CDK17: variants seen among roughly 807,000 people sequenced by gnomAD.
CDK17 encodes the protein cyclin dependent kinase 17, also known as cyclin-dependent kinase 17.
Under a neutral mutation model 77.6 loss-of-function variants are expected in CDK17, and 24 were observed. That is an observed-to-expected ratio of 0.31 (90% CI 0.22 to 0.44). CDK17 has a LOEUF of 0.44. CDK17 is among the 20% of genes least tolerant of loss of function. The pLI is 1.00. For synonymous variants in CDK17, 203 were observed against 210.4 expected, an observed-to-expected ratio of 0.96 and a Z score of 0.30; for missense variants, 429 against 622.5, an observed-to-expected ratio of 0.69 and a Z score of 3.31.
At position 96,360,439 on chromosome 12, in the gene CDK17, G is replaced by A. The variant is rs1213614692; in HGVS notation, c.-29-25574C>T. Among the ~76,000 whole-genome samples the A allele has an allele frequency of 2.6e-5, 4 of 152,296 alleles. No homozygotes were observed. The South Asian group carries it at 6.2e-4, about 24-fold the overall frequency. ...ACTAGAAAAACCTAATCAAGCCTCAGGTAGGTGACTTCTGGAGGGTATCAC... is the reference window on the plus strand; with the variant it reads ...ACTAGAAAAACCTAATCAAGCCTCAAGTAGGTGACTTCTGGAGGGTATCAC... On this transcript the variant is annotated intron_variant, in intron 1 of 16. Coordinates refer to ENST00000261211, the MANE Select transcript of CDK17 (RefSeq NM_002595.5).
chr12:96,399,659 C>G (rs1478767092), intron 1 of CDK17, among the ~76,000 whole-genome samples: 1 of 152,162 alleles, frequency 6.6e-6, no homozygotes, highest in Non-Finnish European at 1.5e-5. Context: ...GGAGACCGGC[C>G]TCCCCCGCAG....
intron 1 of CDK17, among the ~76,000 whole-genome samples, chr12:96,366,890 A>C (rs550573778): frequency 2.0e-5 from 3 of 152,284 alleles, no homozygotes; most frequent in East Asian, 3.9e-4. Flanking sequence ...AATAGTTATA[A>C]AACACCTACG....
At chr12:96,371,743 A>G (rs900183882) in intron 1 of CDK17, among the ~76,000 whole-genome samples, 2 of 149,300 alleles carry the variant, frequency 1.3e-5, no homozygotes, top group East Asian at 3.8e-4. Context: ...AAAAAAAATA[A>G]AAAGAAAAAG....
Position 96,369,651 on chromosome 12 carries a change from G to A in CDK17, c.-30+30335C>T, listed in dbSNP as rs546036704. 6.6e-5 allele frequency among the ~76,000 whole-genome samples: 10 copies of A among 152,276 alleles called. No individual in the cohort carries two copies. In the South Asian group the frequency reaches 2.1e-3, roughly 32 times the overall value. On this transcript the variant is annotated intron_variant, in intron 1 of 16. Coordinates refer to ENST00000261211, the MANE Select transcript of CDK17 (RefSeq NM_002595.5). ...AAATTATCCAGGCGTGATGGTGCAT[G>A]CCTGTAGTCCTAGCTACACTTGGTG...
At chr12:96,386,671 AAAC>A (rs1953981331) in intron 1 of CDK17, 1 of 152,454 alleles carries the variant, frequency 6.6e-6, no homozygotes, top group Non-Finnish European at 1.5e-5. Flanking sequence ...ATGAAAAACA[AAAC>A]AACAACAAAA....
In CDK17 at chr12:96,383,866, C is replaced by G. The variant is rs891151286; in HGVS notation, c.-30+16120G>C. ...ATCAGCATTGGCAAAGAATTTATGG[C>G]TAAGTCCCCAAAAACAATTGCAAAG... On this transcript the variant is annotated intron_variant, in intron 1 of 16. Coordinates refer to ENST00000261211, the MANE Select transcript of CDK17 (RefSeq NM_002595.5). Among the ~76,000 whole-genome samples, 5 of 152,198 alleles carry G rather than the reference C, an allele frequency of 3.3e-5. No individual in the cohort carries two copies. The South Asian group carries it at 8.3e-4, about 25-fold the overall frequency.
At chr12:96,300,617 G>A (rs755530604) in intron 5 of CDK17, among the ~76,000 whole-genome samples, 4 of 152,042 alleles carry the variant, frequency 2.6e-5, no homozygotes, top group East Asian at 1.9e-4. Flanking sequence ...GGCTGTTCTC[G>A]AACTCCTGAC....
At chr12:96,308,854 AG>A (rs1038075627) in intron 5 of CDK17, among the ~76,000 whole-genome samples, 1 of 151,924 alleles carries the variant, frequency 6.6e-6, no homozygotes, top group Non-Finnish European at 1.5e-5. Flanking sequence ...AGTGGGTATT[AG>A]GTGGTATTTT....
intron 1 of CDK17, among the ~76,000 whole-genome samples, chr12:96,395,862 G>GAGA (rs1954159901): frequency 1.3e-5 from 2 of 152,206 alleles, no homozygotes; most frequent in Admixed American, 1.3e-4. Context: ...AGTGCCCAGG[G>GAGA]AGAAGACAGC....
chr12:96,356,148 A>G lies in CDK17; in HGVS notation c.-29-21283T>C, dbSNP rs1049897460. 2.0e-5 allele frequency among the ~76,000 whole-genome samples: 3 copies of G among 152,318 alleles called. No homozygotes were observed. In the East Asian group the frequency reaches 5.8e-4, roughly 29 times the overall value. ...TTGGGAGGTGTTATATCATTTTCAGAATGAAGTTATTCTGCAAATGAGTGA... is the reference window on the plus strand; with the variant it reads ...TTGGGAGGTGTTATATCATTTTCAGGATGAAGTTATTCTGCAAATGAGTGA... On this transcript the variant is annotated intron_variant, in intron 1 of 16. Transcript: ENST00000261211.
chr12:96,378,087 T>C (rs1953816624), intron 1 of CDK17, among the ~76,000 whole-genome samples: 2 of 152,198 alleles, frequency 1.3e-5, no homozygotes, highest in African/African-American at 4.8e-5. Flanking sequence ...CAGTTTCCGC[T>C]AGTAAGATCT....
At chr12:96,300,235 G>A (rs1371442265) in intron 6 of CDK17, 69 bp downstream of exon 6, 59 of 1,010,370 alleles carry the variant, frequency 5.8e-5, no homozygotes, top group Middle Eastern at 2.0e-4. Context: ...AACAAAAACC[G>A]TGGAGTAACA....
At chr12:96,309,981 C>T (rs1371603070) in intron 5 of CDK17, among the ~76,000 whole-genome samples, 2 of 152,068 alleles carry the variant, frequency 1.3e-5, no homozygotes, top group Non-Finnish European at 1.5e-5. Flanking sequence ...CCTAGGTAAG[C>T]ACTCAACAGA....
At chr12:96,330,294 C>CA (rs925118380) in intron 2 of CDK17, among the ~76,000 whole-genome samples, 2,218 of 134,900 alleles carry the variant, frequency 0.016, 25 homozygotes, top group Non-Finnish European at 0.024. Flanking sequence ...GCAGTGACAG[C>CA]AAAAAAAAAA....
chr12:96,346,133 C>T (rs1388750168), intron 1 of CDK17, among the ~76,000 whole-genome samples: 1 of 152,114 alleles, frequency 6.6e-6, no homozygotes, highest in African/African-American at 2.4e-5. Context: ...GCCTGGCCAA[C>T]ATGGTGAAAT....
intron 3 of CDK17, among the ~76,000 whole-genome samples, chr12:96,314,109 G>A (rs1952676857): frequency 6.6e-6 from 1 of 152,110 alleles, no homozygotes; most frequent in Admixed American, 6.6e-5. Context: ...CTACAAAAAA[G>A]GTGGGTTATG....
intron 1 of CDK17, among the ~76,000 whole-genome samples, chr12:96,377,632 T>C (rs1272419361): frequency 6.6e-6 from 1 of 151,776 alleles, no homozygotes; most frequent in Non-Finnish European, 1.5e-5. Context: ...GTTGCACATT[T>C]AGGTGGTAGT....
chr12:96,311,002 A>T, intron 5 of CDK17, 50 bp downstream of exon 5: 1 of 1,540,210 alleles, frequency 6.5e-7, no homozygotes, highest in Non-Finnish European at 8.7e-7. Context: ...CAGAAGCAGC[A>T]AACAAGCAGA....
At chr12:96,329,772 G>GA (rs1398092878) in intron 2 of CDK17, among the ~76,000 whole-genome samples, 4 of 152,196 alleles carry the variant, frequency 2.6e-5, no homozygotes, top group Non-Finnish European at 5.9e-5. Flanking sequence ...ACATGTAAGA[G>GA]ATCAGCAAGA....
Sources: gnomAD v4.1 joint callset for allele counts (sites outside exome capture counted in the v4.1 genomes callset) on GRCh38, gnomAD v4.1.1 for gene constraint, MANE v1.5 for transcripts, NCBI Gene and HGNC (gene_info 2026-07-23, HGNC 2026-07-21) for gene names.